Variants in CMSS1 observed in about 807,000 individuals in gnomAD.
CMSS1 encodes protein CMSS1.
A neutral mutation model predicts 43.5 loss-of-function variants in CMSS1; 33 were observed. The observed-to-expected ratio is 0.76, with a 90% CI of 0.57 to 1.01. The LOEUF (loss-of-function observed/expected upper bound fraction) is 1.01. Ranked by LOEUF, CMSS1 falls within the 50% of genes least tolerant of loss-of-function variation. CMSS1 has a pLI of 0.00. For missense variants in CMSS1, 313 were observed against 326.4 expected (o/e 0.96, Z 0.32); for synonymous variants, 115 against 117.2 (o/e 0.98, Z 0.12).
intron 1 of CMSS1, among the ~76,000 whole-genome samples, chr3:99,881,640 C>G (rs1476048767): frequency 6.6e-6 from 1 of 151,818 alleles, no homozygotes; most frequent in Non-Finnish European, 1.5e-5. Flanking sequence ...TCAGACAGTT[C>G]TCCTGCCTCA....
At chr3:99,967,392 A>G (rs1708685656) in intron 1 of CMSS1, among the ~76,000 whole-genome samples, 1 of 152,244 alleles carries the variant, frequency 6.6e-6, no homozygotes, top group Non-Finnish European at 1.5e-5. Context: ...CGTGAAGAGT[A>G]AATAGAAGTG....
chr3:100,020,161 A>G (rs2064782107), intron 1 of CMSS1, among the ~76,000 whole-genome samples: 1 of 152,264 alleles, frequency 6.6e-6, no homozygotes, highest in Admixed American at 6.5e-5. Flanking sequence ...TCATTTCCCC[A>G]TGTAACCTTT....
intron 1 of CMSS1, among the ~76,000 whole-genome samples, chr3:100,106,453 G>A (rs116840388): frequency 0.016 from 2,478 of 152,240 alleles, 39 homozygotes; most frequent in Non-Finnish European, 0.025. Context: ...GACTCCAGCA[G>A]AAATGAGGGT....
intron 1 of CMSS1, among the ~76,000 whole-genome samples, chr3:100,120,197 G>C (rs1410914435): frequency 2.0e-5 from 3 of 152,196 alleles, no homozygotes; most frequent in Non-Finnish European, 4.4e-5. Context: ...TTAGCTCTAA[G>C]ACATTCCTCA....
chr3:99,850,735 G>A lies in CMSS1; in HGVS notation c.64+32692G>A, dbSNP rs1253818621. 11 of 1,614,164 alleles carry A rather than the reference G, an allele frequency of 6.8e-6. No homozygotes were observed. Among genetic ancestry groups the A allele is most frequent in the Non-Finnish European group, 8.5e-6 (10 of 1,180,044 alleles). ...CTGGCGATTTTGACTGTCCTCATTGGTGAGCTTCGCCATAATTGTGTCTTG... is the reference window on the plus strand; with the variant it reads ...CTGGCGATTTTGACTGTCCTCATTGATGAGCTTCGCCATAATTGTGTCTTG... On this transcript the variant is annotated intron_variant, in intron 1 of 9. Coordinates refer to ENST00000421999, the MANE Select transcript of CMSS1 (RefSeq NM_032359.4).
intron 1 of CMSS1, among the ~76,000 whole-genome samples, chr3:99,883,799 A>C (rs1705807553): frequency 6.6e-6 from 1 of 152,234 alleles, no homozygotes; most frequent in South Asian, 2.1e-4. Flanking sequence ...AATAGTAACA[A>C]CTTTAATCCA....
chr3:99,851,036 G>A (rs141449044), intron 1 of CMSS1: 9 of 1,600,696 alleles, frequency 5.6e-6, no homozygotes, highest in South Asian at 1.1e-5. Flanking sequence ...TTCTCCTCCT[G>A]AGACTTGATT....
intron 1 of CMSS1, among the ~76,000 whole-genome samples, chr3:100,068,541 A>G (rs1325763677): frequency 6.6e-6 from 1 of 152,244 alleles, no homozygotes; most frequent in East Asian, 1.9e-4. Flanking sequence ...GGTGCTGCCA[A>G]AGAACCCACT....
At chr3:100,134,480 G>A (rs761033453) in intron 1 of CMSS1, among the ~76,000 whole-genome samples, 30 of 152,180 alleles carry the variant, frequency 2.0e-4, no homozygotes, top group Non-Finnish European at 3.2e-4. Context: ...AAATAAGTTC[G>A]AGGATGGCCT....
chr3:100,012,862 C>A (rs181805998), intron 1 of CMSS1, among the ~76,000 whole-genome samples: 21 of 151,566 alleles, frequency 1.4e-4, no homozygotes, highest in African/African-American at 4.8e-4. Flanking sequence ...CAGCTTCCAC[C>A]TCCCAGGCTC....
intron 1 of CMSS1, among the ~76,000 whole-genome samples, chr3:100,087,439 T>C (rs2066029355): frequency 6.6e-6 from 1 of 152,214 alleles, no homozygotes; most frequent in African/African-American, 2.4e-5. Flanking sequence ...GTCATTCTAA[T>C]AGTGGTATCT....
rs764887333 is a variant in CMSS1 at position 99,850,534 on chromosome 3, T to C, written c.64+32491T>C. On this transcript the variant is annotated intron_variant, in intron 1 of 9. Coordinates refer to ENST00000421999, the MANE Select transcript of CMSS1 (RefSeq NM_032359.4). Reference sequence around the variant, plus strand: ...GAGCTCTTCATCTTTCCCTTCCATATCTAGCACACGTTTCCTGAGCTCTTC... The same window carrying C: ...GAGCTCTTCATCTTTCCCTTCCATACCTAGCACACGTTTCCTGAGCTCTTC... 6 of 1,613,662 alleles carry C rather than the reference T, an allele frequency of 3.7e-6. No individual in the cohort carries two copies. The Admixed American group carries it at 1.0e-4, about 27-fold the overall frequency.
At chr3:99,872,322 T>TGTGTGTGA (rs1491147270) in intron 1 of CMSS1, among the ~76,000 whole-genome samples, 6 of 141,234 alleles carry the variant, frequency 4.2e-5, no homozygotes, top group Admixed American at 1.4e-4. Context: ...TGTGTGTGTG[T>TGTGTGTGA]GACTGTGGGG....
chr3:99,968,063 A>G (rs1708705459), intron 1 of CMSS1, among the ~76,000 whole-genome samples: 1 of 152,202 alleles, frequency 6.6e-6, no homozygotes, highest in African/African-American at 2.4e-5. Flanking sequence ...ATCCTTGGGG[A>G]AAACATGTAC....
At chr3:99,889,890 C>A (rs1221311175) in intron 1 of CMSS1, among the ~76,000 whole-genome samples, 1 of 152,000 alleles carries the variant, frequency 6.6e-6, no homozygotes, top group Non-Finnish European at 1.5e-5. Context: ...TATTTTAGTT[C>A]TAACTTTAAT....
chr3:100,133,544 G>T (rs2107501168), intron 1 of CMSS1, among the ~76,000 whole-genome samples: 1 of 152,104 alleles, frequency 6.6e-6, no homozygotes, highest in East Asian at 1.9e-4. Flanking sequence ...GGTAAAAAAA[G>T]GTTTTTAAAA....
chr3:99,930,966 GTCTTGGAAATT>G, intron 1 of CMSS1: 1 of 1,613,694 alleles, frequency 6.2e-7, no homozygotes, highest in Non-Finnish European at 8.5e-7. Flanking sequence ...CCTTTAGTAT[GTCTTGGAAATT>G]TCTTTTGGGC....
At chr3:100,109,599 T>C (rs2066454280) in intron 1 of CMSS1, among the ~76,000 whole-genome samples, 1 of 152,164 alleles carries the variant, frequency 6.6e-6, no homozygotes, top group Non-Finnish European at 1.5e-5. Flanking sequence ...GCTTTTTCAG[T>C]CTGGATTCTT....
intron 1 of CMSS1, among the ~76,000 whole-genome samples, chr3:100,101,852 C>G (rs575305468): frequency 1.3e-5 from 2 of 151,954 alleles, no homozygotes; most frequent in African/African-American, 4.8e-5. Context: ...TTCCCACCTA[C>G]GAGTGAGAAC....
Sources: allele counts gnomAD v4.1 joint callset (sites outside exome capture counted in the v4.1 genomes callset), GRCh38; gene constraint gnomAD v4.1.1; transcripts MANE v1.5; gene names NCBI Gene and HGNC (gene_info 2026-07-23, HGNC 2026-07-21).